The following DOCK3 variants were observed in gnomAD, a reference collection of about 807,000 sequenced individuals.
DOCK3 encodes the protein dedicator of cytokinesis protein 3.
DOCK3 carries 60 observed loss-of-function variants against 265.6 expected under a neutral mutation model. The ratio of observed to expected loss-of-function variants is 0.23; its 90% CI spans 0.18 to 0.28. The LOEUF (loss-of-function observed/expected upper bound fraction) is 0.28, where lower values mean the gene tolerates loss of function less well. DOCK3 is among the 10% of genes least tolerant of loss of function. DOCK3 has a pLI of 1.00. For missense variants in DOCK3, 1,981 were observed against 2,594.3 expected (o/e 0.76, Z 5.14); for synonymous variants, 881 against 938.0 (o/e 0.94, Z 1.11).
At chr3:50,987,095 A>G (rs1403575293) in intron 5 of DOCK3, among the ~76,000 whole-genome samples, 1 of 152,212 alleles carries the variant, frequency 6.6e-6, no homozygotes. Context: ...GTACCTTCCC[A>G]AAGGGCCACA....
chr3:51,136,684 A>G (rs1461890460), intron 9 of DOCK3, among the ~76,000 whole-genome samples: 2 of 152,184 alleles, frequency 1.3e-5, no homozygotes. Context: ...GCAAAATGAT[A>G]GAAGTTAGTG....
chr3:50,795,676 G>A (rs796894861), intron 2 of DOCK3, among the ~76,000 whole-genome samples: 3 of 152,274 alleles, frequency 2.0e-5, no homozygotes, highest in East Asian at 3.9e-4. Flanking sequence ...ATTTCTTGGA[G>A]ATTTTGTTCC....
chr3:50,921,542 C>T (rs2050468601), intron 4 of DOCK3, among the ~76,000 whole-genome samples: 1 of 152,224 alleles, frequency 6.6e-6, no homozygotes. Context: ...CGTCTCAAAC[C>T]TTCTTCTCTC....
At chr3:51,006,998 C>A (rs1427279466) in intron 5 of DOCK3, among the ~76,000 whole-genome samples, 9 of 152,226 alleles carry the variant, frequency 5.9e-5, no homozygotes, top group Admixed American at 2.6e-4. Flanking sequence ...GTATGTGTGC[C>A]ACATTTTCTT....
At chr3:51,008,316 GT>G (rs1335216278) in intron 5 of DOCK3, among the ~76,000 whole-genome samples, 3 of 152,120 alleles carry the variant, frequency 2.0e-5, no homozygotes, top group Non-Finnish European at 2.9e-5. Context: ...GTGGTTTGTA[GT>G]TCTCCTTGAA....
Position 51,275,892 on chromosome 3 carries a change from C to T in DOCK3, c.2676+686C>T, listed in dbSNP as rs574767015. 1.7e-4 allele frequency among the ~76,000 whole-genome samples: 26 copies of T among 152,214 alleles called. No homozygotes were observed. In the South Asian group the frequency reaches 3.7e-3, roughly 22 times the overall value. On this transcript the variant is annotated intron_variant, in intron 25 of 52. Coordinates refer to ENST00000266037, the MANE Select transcript of DOCK3 (RefSeq NM_004947.5). ...AGGGTAGGAATTTATTTTAATGATA[C>T]TTATTTCATGTACTTTTGATAATAG...
intron 3 of DOCK3, among the ~76,000 whole-genome samples, chr3:50,842,126 A>T (rs1369331490): frequency 2.0e-5 from 3 of 152,214 alleles, no homozygotes; most frequent in Admixed American, 2.0e-4. Flanking sequence ...TTGAAATATG[A>T]ATTTAAACAA....
chr3:50,736,866 T>C lies in DOCK3; in HGVS notation c.38-41809T>C, dbSNP rs549063227. ...TGCCCACCACCATGCCCGGCTAATT[T>C]TTTGTATTTTTAGTAGAGACGGGGT... On this transcript the variant is annotated intron_variant, in intron 1 of 52. Transcript: ENST00000266037. Among the ~76,000 whole-genome samples, 92 of 151,924 alleles carry C rather than the reference T, an allele frequency of 6.1e-4. 1 individual carries two copies. The South Asian group carries it at 0.019, about 31-fold the overall frequency.
chr3:51,273,593 T>C (rs1470502539), intron 24 of DOCK3, among the ~76,000 whole-genome samples: 1 of 152,234 alleles, frequency 6.6e-6, no homozygotes, highest in Non-Finnish European at 1.5e-5. Context: ...GTATCAACTT[T>C]TTTTATTCAA....
intron 6 of DOCK3, among the ~76,000 whole-genome samples, chr3:51,065,082 T>A (rs2081542938): frequency 6.6e-6 from 1 of 152,218 alleles, no homozygotes; most frequent in South Asian, 2.1e-4. Context: ...GTCTTGCATT[T>A]ATGTAATAAC....
At chr3:50,874,768 GA>G (rs1171053823) in intron 3 of DOCK3, among the ~76,000 whole-genome samples, 1 of 152,090 alleles carries the variant, frequency 6.6e-6, no homozygotes, top group East Asian at 1.9e-4. Context: ...AAATGCTACT[GA>G]TTTTTGTATG....
intron 21 of DOCK3, among the ~76,000 whole-genome samples, chr3:51,242,929 G>A (rs374304937): frequency 1.3e-5 from 2 of 152,192 alleles, no homozygotes; most frequent in East Asian, 3.9e-4. Context: ...GCTAGTGCGT[G>A]GCATAGGGTC....
intron 5 of DOCK3, among the ~76,000 whole-genome samples, chr3:51,026,798 T>C (rs898085258): frequency 5.9e-5 from 9 of 152,164 alleles, no homozygotes; most frequent in African/African-American, 1.9e-4. Context: ...TCTCTGGGAA[T>C]CTTTTGTATT....
Position 51,208,848 on chromosome 3 carries a change from C to G in DOCK3, c.1112C>G (p.Pro371Arg), listed in dbSNP as rs758137963. ...IRKSSAKYSA[P>R]SASHGLIISL... The stretch of plus-strand genomic sequence containing the variant: ...AAGTCCAGTGCCAAGTACTCTGCCC[C>G]CAGCGCCAGCCATGGTGAGATACTT... The change falls in exon 13 of 53, where the codon CCC (proline) becomes CGC (arginine). Residue 371 changes from proline to arginine, a missense_variant. Physicochemically the swap from Pro to Arg is moderately radical, Grantham distance 103 (BLOSUM62 -2). Coordinates refer to ENST00000266037, the MANE Select transcript of DOCK3 (RefSeq NM_004947.5). The G allele has an allele frequency of 1.2e-6, 2 of 1,610,608 alleles. No individual in the cohort carries two copies. Among genetic ancestry groups the G allele is most frequent in the South Asian group, 1.1e-5 (1 of 90,074 alleles).
At chr3:51,243,243 C>G (rs2078688710) in intron 21 of DOCK3, among the ~76,000 whole-genome samples, 1 of 152,194 alleles carries the variant, frequency 6.6e-6, no homozygotes, top group African/African-American at 2.4e-5. Context: ...CCCCTGGGCT[C>G]CACATCATCT....
chr3:51,379,465 C>A (rs1553617757), intron 51 of DOCK3: 1 of 985,350 alleles, frequency 1.0e-6, no homozygotes, highest in Non-Finnish European at 1.2e-6. Flanking sequence ...CAGCAGCCCC[C>A]AGCAGCTGGA....
At chr3:51,190,673 G>C (rs552261595) in intron 12 of DOCK3, among the ~76,000 whole-genome samples, 8 of 152,212 alleles carry the variant, frequency 5.3e-5, no homozygotes, top group Non-Finnish European at 8.8e-5. Flanking sequence ...GTAGCAGTGG[G>C]ATTTGTGCTT....
At chr3:50,791,644 A>T (rs951745331) in intron 2 of DOCK3, among the ~76,000 whole-genome samples, 3 of 152,194 alleles carry the variant, frequency 2.0e-5, no homozygotes, top group Non-Finnish European at 4.4e-5. Context: ...AATCTTCTGC[A>T]TATGGTTAGC....
chr3:51,342,876 C>G (rs1185257421), intron 38 of DOCK3, among the ~76,000 whole-genome samples: 3 of 152,118 alleles, frequency 2.0e-5, no homozygotes, highest in African/African-American at 4.8e-5. Flanking sequence ...TGCCTTTGCC[C>G]TGAATTTCTG....
Sources: allele counts gnomAD v4.1 joint callset (sites outside exome capture counted in the v4.1 genomes callset), GRCh38; gene constraint gnomAD v4.1.1; transcripts MANE v1.5; gene names NCBI Gene and HGNC (gene_info 2026-07-23, HGNC 2026-07-21).